The following CFAP251 variants were observed in gnomAD, a reference collection of about 807,000 sequenced individuals.
CFAP251 encodes the protein cilia and flagella associated protein 251, also known as cilia- and flagella-associated protein 251.
CFAP251 carries 93 observed loss-of-function variants against 126.7 expected under a neutral mutation model. The ratio of observed to expected loss-of-function variants is 0.73; its 90% CI spans 0.62 to 0.87. The LOEUF is 0.87. CFAP251 is among the 40% of genes least tolerant of loss of function. The pLI is 0.00. For missense variants in CFAP251, 1,287 were observed against 1,389.2 expected (o/e 0.93, Z 1.17); for synonymous variants, 503 against 506.9 (o/e 0.99, Z 0.10).
chr12:121,960,614 G>A lies in CFAP251; in HGVS notation c.2163G>A (p.Met721Ile), dbSNP rs149064276. Residue 721 changes from methionine (M) to isoleucine (I), a missense_variant, in exon 14 of 22, where the codon ATG (methionine) becomes ATA (isoleucine). Coordinates refer to ENST00000288912, the MANE Select transcript of CFAP251 (RefSeq NM_144668.6). ...GAAGTTTTACTGTGGCTGTTTACAT[G>A]CTGGTGGTCAGAAATGGACAGAGGG... is the stretch of plus-strand genomic sequence containing the variant. ...ADRSFTVAVY[M>I]LVVRNGQRVW... The A allele has an allele frequency of 4.6e-4, 743 of 1,614,154 alleles. 10 individuals are homozygous for A. In the East Asian group the frequency reaches 0.015, roughly 32 times the overall value.
At chr12:121,931,700 G>A in intron 3 of CFAP251, 46 bp from the exon 4 acceptor site, 2 of 1,461,834 alleles carry the variant, frequency 1.4e-6, no homozygotes, top group South Asian at 1.6e-5. Flanking sequence ...CCAGCTCTGG[G>A]CTGAACACGC....
chr12:121,928,623 T>C (rs1407503934), intron 3 of CFAP251, among the ~76,000 whole-genome samples: 1 of 43,016 alleles, frequency 2.3e-5, no homozygotes. Context: ...TTTATGTATA[T>C]GTGTATATAT....
At chr12:121,988,001 AT>A (rs1292953138) in intron 19 of CFAP251, among the ~76,000 whole-genome samples, 1 of 152,048 alleles carries the variant, frequency 6.6e-6, no homozygotes, top group Non-Finnish European at 1.5e-5. Flanking sequence ...TTATATCTCC[AT>A]TGTTAGAATT....
chr12:121,981,831 C>T (rs1474542454), intron 19 of CFAP251, among the ~76,000 whole-genome samples: 3 of 152,204 alleles, frequency 2.0e-5, no homozygotes, highest in South Asian at 2.1e-4. Context: ...ACTGTGACCA[C>T]GTGCCAGTTA....
In CFAP251 at chr12:121,989,300, A is replaced by T. The variant is rs1261533635; in HGVS notation, c.3007-10416A>T. Among the ~76,000 whole-genome samples the T allele has an allele frequency of 6.6e-6, 1 of 152,142 alleles. No individual in the cohort carries two copies. Among genetic ancestry groups the T allele is most frequent in the Non-Finnish European group, 1.5e-5 (1 of 68,010 alleles). ...ACAGTCACTCTAAAGGGCCCTGTGA[A>T]TGGGTGTTGTTCACATGGAGTAGAA... On this transcript the variant is annotated intron_variant, in intron 19 of 21. Transcript: ENST00000288912. The surrounding 1 kb of genome is among the most constrained non-coding windows in gnomAD (Gnocchi z 4.2).
intron 6 of CFAP251, 54 bp downstream of exon 6, chr12:121,942,699 C>A: frequency 7.0e-7 from 1 of 1,437,026 alleles, no homozygotes; most frequent in Non-Finnish European, 9.6e-7. Context: ...ACCTGTGCAG[C>A]GTGTCCCCAT....
intron 4 of CFAP251, chr12:121,932,235 C>T (rs1880722744): frequency 6.3e-6 from 1 of 158,202 alleles, no homozygotes; most frequent in African/African-American, 2.4e-5. Flanking sequence ...CGGACACTTA[C>T]ACACATCTCT....
intron 21 of CFAP251, 57 bp downstream of exon 21, chr12:122,001,655 C>A: frequency 1.5e-6 from 2 of 1,336,086 alleles, no homozygotes; most frequent in Non-Finnish European, 2.2e-6. Flanking sequence ...TTGTTGTAGA[C>A]TTCAGTACAT....
intron 8 of CFAP251, chr12:121,951,263 AG>A: frequency 2.5e-6 from 1 of 404,320 alleles, no homozygotes; most frequent in South Asian, 6.9e-5. Flanking sequence ...AGAAAAAAAA[AG>A]TCATAATCAT....
At chr12:121,936,215 C>G (rs1324659634) in intron 5 of CFAP251, among the ~76,000 whole-genome samples, 1 of 152,186 alleles carries the variant, frequency 6.6e-6, no homozygotes, top group Admixed American at 6.5e-5. Flanking sequence ...CCTCCCAGCA[C>G]TTTGGGAGGC....
At position 121,960,619 on chromosome 12, in the gene CFAP251, TG is replaced by T; in HGVS notation, c.2170del (p.Val724SerfsTer11). ...TTTACTGTGGCTGTTTACATGCTGG[TG>T]GTCAGAAATGGACAGAGGGTCTGGG... ...RSFTVAVYML[V>X]VRNGQRVWEY... On this transcript the variant is annotated frameshift_variant, in exon 14 of 22. Coordinates refer to ENST00000288912, the MANE Select transcript of CFAP251 (RefSeq NM_144668.6). LOFTEE classifies it high-confidence loss of function. The T allele has an allele frequency of 6.2e-7, 1 of 1,614,168 alleles. No individual in the cohort carries two copies. Among genetic ancestry groups the T allele is most frequent in the East Asian group, 2.2e-5 (1 of 44,890 alleles).
chr12:121,930,492 C>CA (rs1394219416), intron 3 of CFAP251, among the ~76,000 whole-genome samples: 51 of 149,230 alleles, frequency 3.4e-4, no homozygotes, highest in East Asian at 2.7e-3. Flanking sequence ...TTCCCTCCTC[C>CA]AAAAAAAACA....
chr12:121,923,722 A>C lies in CFAP251; in HGVS notation c.479A>C (p.Asp160Ala), dbSNP rs1469857301. ...CTGAGCACACAAATTGAATTTCTTG[A>C]TTTGGATCAAATCAGTCCTGAGGAA... ...RDLSTQIEFL[D>A]LDQISPEEQQ... Residue 160 changes from aspartate to alanine, a missense_variant, in exon 3 of 22, where the codon GAT (aspartate) becomes GCT (alanine). Coordinates refer to ENST00000288912, the MANE Select transcript of CFAP251 (RefSeq NM_144668.6). The C allele has an allele frequency of 6.2e-7, 1 of 1,613,166 alleles. No individual in the cohort carries two copies. The highest frequency in any genetic ancestry group is 2.2e-5 in the East Asian group (1 of 44,746).
At chr12:121,922,107 T>G (rs112804977) in intron 2 of CFAP251, among the ~76,000 whole-genome samples, 2 of 84,454 alleles carry the variant, frequency 2.4e-5, no homozygotes, top group African/African-American at 5.8e-5. Flanking sequence ...AATCCATTCT[T>G]TTTTTTTTTT....
At chr12:121,991,257 G>A (rs965763297) in intron 19 of CFAP251, among the ~76,000 whole-genome samples, 1 of 152,166 alleles carries the variant, frequency 6.6e-6, no homozygotes, top group African/African-American at 2.4e-5. Context: ...AGCTGCCGGG[G>A]AAATAGAGAT....
At chr12:121,986,170 T>G (rs1882741016) in intron 19 of CFAP251, among the ~76,000 whole-genome samples, 1 of 151,848 alleles carries the variant, frequency 6.6e-6, no homozygotes. Context: ...TTTTGTATCT[T>G]TAGTAGAGAT....
chr12:121,977,684 G>A (rs1882496814), intron 19 of CFAP251, among the ~76,000 whole-genome samples: 2 of 145,812 alleles, frequency 1.4e-5, no homozygotes, highest in African/African-American at 2.6e-5. Flanking sequence ...GGCCGGGTGT[G>A]GTGGCTCAGA....
chr12:121,944,681 G>T (rs938525206), intron 7 of CFAP251, among the ~76,000 whole-genome samples: 1 of 152,032 alleles, frequency 6.6e-6, no homozygotes, highest in African/African-American at 2.4e-5. Context: ...GTTTTAGATT[G>T]TTCATTGCTA....
intron 19 of CFAP251, among the ~76,000 whole-genome samples, chr12:121,991,164 C>T (rs553072243): frequency 6.6e-6 from 1 of 152,306 alleles, no homozygotes; most frequent in Admixed American, 6.5e-5. Flanking sequence ...CTTCATCATT[C>T]ATTCATTCAT....
Sources: gnomAD v4.1 joint callset for allele counts (sites outside exome capture counted in the v4.1 genomes callset) on GRCh38, gnomAD v4.1.1 for gene constraint, Gnocchi (gnomAD v3.1) non-coding constraint, MANE v1.5 for transcripts, NCBI Gene and HGNC (gene_info 2026-07-23, HGNC 2026-07-21) for gene names.